The following SUGCT variants were observed in gnomAD, a reference collection of about 807,000 sequenced individuals.
SUGCT encodes succinyl-CoA:glutarate-CoA transferase.
SUGCT carries 41 observed loss-of-function variants against 55.0 expected under a neutral mutation model. The observed-to-expected ratio is 0.74, with a 90% CI of 0.58 to 0.97. The LOEUF (loss-of-function observed/expected upper bound fraction) is 0.97, where lower values mean the gene tolerates loss of function less well. Among genes scored for constraint, SUGCT ranks in the 50% least tolerant of loss-of-function variants. The probability of loss-of-function intolerance (pLI) is 0.00; values close to 1 mark genes in which losing one functional copy is unlikely to be tolerated. For synonymous variants in SUGCT, 187 were observed against 200.4 expected (o/e 0.93, Z 0.56); for missense variants, 568 against 547.8 (o/e 1.04, Z -0.37).
the SUGCT span, among the ~76,000 whole-genome samples, chr7:40,896,879 G>A: frequency 7.2e-5 from 11 of 152,016 alleles, no homozygotes; most frequent in African/African-American, 1.2e-4. Flanking sequence ...ATATGAAACC[G>A]CAAAAGTCCT....
intron 12 of SUGCT, among the ~76,000 whole-genome samples, chr7:40,561,226 T>C (rs1199942229): frequency 6.6e-6 from 1 of 152,226 alleles, no homozygotes; most frequent in Non-Finnish European, 1.5e-5. Flanking sequence ...GTGTAGTAGA[T>C]AGACTTTACC....
At chr7:40,343,502 G>A (rs943654116) in intron 9 of SUGCT, among the ~76,000 whole-genome samples, 2 of 151,866 alleles carry the variant, frequency 1.3e-5, no homozygotes, top group African/African-American at 4.8e-5. Flanking sequence ...ACGAACCCTA[G>A]ATATCTCTAT....
chr7:40,713,641 A>G (rs1172669541), intron 12 of SUGCT, among the ~76,000 whole-genome samples: 2 of 152,244 alleles, frequency 1.3e-5, no homozygotes, highest in Admixed American at 6.5e-5. Context: ...TTTGGGCCTT[A>G]ACCACAACAG....
rs533895891 is a variant in SUGCT at position 40,807,143 on chromosome 7, G to A, written c.1154-53173G>A. On this transcript the variant is annotated intron_variant, in intron 13 of 13. Transcript: ENST00000335693. ...GTTGCAGTAGCTTTATTTCTTTACA[G>A]TCCCAGAAGTTAGAGAGAATCATTA... Among the ~76,000 whole-genome samples, 9 of 152,296 alleles carry A rather than the reference G, an allele frequency of 5.9e-5. No homozygotes were observed. In the South Asian group the frequency reaches 6.2e-4, roughly 11 times the overall value.
chr7:40,696,062 G>A (rs189124203), intron 12 of SUGCT, among the ~76,000 whole-genome samples: 3 of 152,194 alleles, frequency 2.0e-5, no homozygotes, highest in African/African-American at 7.2e-5. Flanking sequence ...TTCTTTTCCC[G>A]TTTCTGTCTA....
At chr7:40,855,388 T>C (rs1015930698) in intron 13 of SUGCT, among the ~76,000 whole-genome samples, 3 of 152,178 alleles carry the variant, frequency 2.0e-5, no homozygotes, top group Non-Finnish European at 4.4e-5. Context: ...CTCACATTTT[T>C]TAGACAAGCT....
At chr7:40,174,995 A>G (rs949775037) in intron 1 of SUGCT, among the ~76,000 whole-genome samples, 16 of 152,060 alleles carry the variant, frequency 1.1e-4, no homozygotes, top group African/African-American at 3.6e-4. Flanking sequence ...TTTTTATTTT[A>G]AGTGGAATTG....
intron 9 of SUGCT, among the ~76,000 whole-genome samples, chr7:40,425,164 C>T (rs1787524421): frequency 6.6e-6 from 1 of 152,004 alleles, no homozygotes; most frequent in Non-Finnish European, 1.5e-5. Flanking sequence ...AACTGTGGAG[C>T]CACAGTTTAA....
intron 12 of SUGCT, among the ~76,000 whole-genome samples, chr7:40,608,234 A>G (rs1798614929): frequency 6.6e-6 from 1 of 152,166 alleles, no homozygotes; most frequent in Non-Finnish European, 1.5e-5. Flanking sequence ...TCGTTCCTGA[A>G]TGTTCCTTTT....
At chr7:40,225,122 C>T (rs928645075) in intron 6 of SUGCT, among the ~76,000 whole-genome samples, 5 of 152,156 alleles carry the variant, frequency 3.3e-5, no homozygotes, top group East Asian at 1.9e-4. Context: ...TATATATTAG[C>T]GTTCCCAAGT....
chr7:40,672,580 T>C (rs1203747137), intron 12 of SUGCT, among the ~76,000 whole-genome samples: 2 of 152,134 alleles, frequency 1.3e-5, no homozygotes, highest in East Asian at 3.9e-4. Flanking sequence ...AGAAAGGAAG[T>C]GGATGTGGGT....
At chr7:40,135,550 T>G (rs1787637345) in intron 1 of SUGCT, among the ~76,000 whole-genome samples, 3 of 152,404 alleles carry the variant, frequency 2.0e-5, no homozygotes, top group South Asian at 4.1e-4. Context: ...TTGCAGAATT[T>G]TATTTAGAGG....
intron 12 of SUGCT, among the ~76,000 whole-genome samples, chr7:40,594,679 T>A (rs1797910724): frequency 6.6e-6 from 1 of 152,140 alleles, no homozygotes; most frequent in Non-Finnish European, 1.5e-5. Flanking sequence ...ACACCCCTCC[T>A]CTCTTCACAG....
intron 7 of SUGCT, among the ~76,000 whole-genome samples, chr7:40,257,379 C>G (rs191130770): frequency 2.4e-4 from 36 of 151,950 alleles, no homozygotes; most frequent in African/African-American, 7.7e-4. Flanking sequence ...CATAGTTTAT[C>G]TATATATGGC....
chr7:40,671,641 T>C lies in SUGCT; in HGVS notation c.1090-77793T>C, dbSNP rs559875023. Among the ~76,000 whole-genome samples, 20 of 152,296 alleles carry C rather than the reference T, an allele frequency of 1.3e-4. 2 individuals are homozygous for C. Among genetic ancestry groups the C allele is most frequent in the Admixed American group, 1.2e-3 (18 of 15,290 alleles). On this transcript the variant is annotated intron_variant, in intron 12 of 13. Coordinates refer to ENST00000335693, the MANE Select transcript of SUGCT (RefSeq NM_001193313.2). ...CTCTCAAGGATAAAAATGAAATAGATGTAAACCTAACAAAACATATATAGC... is the reference window on the plus strand; with the variant it reads ...CTCTCAAGGATAAAAATGAAATAGACGTAAACCTAACAAAACATATATAGC...
intron 12 of SUGCT, among the ~76,000 whole-genome samples, chr7:40,670,688 C>T (rs1445693978): frequency 6.6e-6 from 1 of 152,038 alleles, no homozygotes; most frequent in East Asian, 1.9e-4. Flanking sequence ...GAATTGGCCT[C>T]CTTTCAAAAA....
intron 10 of SUGCT, among the ~76,000 whole-genome samples, chr7:40,456,645 G>A (rs1277550728): frequency 2.6e-5 from 4 of 152,050 alleles, no homozygotes; most frequent in Admixed American, 2.6e-4. Flanking sequence ...GGTGGCCTGT[G>A]ATGGGGGTAG....
intron 8 of SUGCT, among the ~76,000 whole-genome samples, chr7:40,283,824 A>T (rs755469297): frequency 2.6e-5 from 4 of 152,216 alleles, no homozygotes; most frequent in Non-Finnish European, 4.4e-5. Context: ...ACTTCTGAGA[A>T]TATATCAAAG....
the SUGCT span, chr7:40,965,638 A>T: frequency 6.6e-6 from 1 of 152,258 alleles, no homozygotes; most frequent in African/African-American, 2.4e-5. Flanking sequence ...ATACTAAAAC[A>T]AATGAAACAA....
Sources: gnomAD v4.1 joint callset for allele counts (sites outside exome capture counted in the v4.1 genomes callset) on GRCh38, gnomAD v4.1.1 for gene constraint, MANE v1.5 for transcripts, NCBI Gene and HGNC (gene_info 2026-07-23, HGNC 2026-07-21) for gene names.